The following EPS8L3 variants were observed in gnomAD, a reference collection of about 807,000 sequenced individuals.
EPS8L3 encodes the protein EPS8 signaling adaptor L3.
A neutral mutation model predicts 88.5 loss-of-function variants in EPS8L3; 80 were observed. The observed-to-expected ratio is 0.90, with a 90% CI of 0.75 to 1.09. The LOEUF is 1.09. Ranked by LOEUF, EPS8L3 falls within the 50% of genes least tolerant of loss-of-function variation. The pLI, the probability that EPS8L3 is intolerant of heterozygous loss-of-function variation, is 0.00. For missense variants in EPS8L3, 721 were observed against 735.2 expected, an observed-to-expected ratio of 0.98 and a Z score of 0.22; for synonymous variants, 286 against 291.0, an observed-to-expected ratio of 0.98 and a Z score of 0.18.
chr1:109,750,547 C>A, intron 18 of EPS8L3, 113 bp downstream of exon 18: 1 of 1,586,630 alleles, frequency 6.3e-7, no homozygotes, highest in Non-Finnish European at 8.6e-7. Context: ...CAGCACCCGC[C>A]ACACTCAGTT....
In EPS8L3 at chr1:109,757,574, G is replaced by T; in HGVS notation, c.895-19C>A. The T allele has an allele frequency of 6.2e-7, 1 of 1,603,216 alleles. No homozygotes were observed. The highest frequency in any genetic ancestry group is 8.5e-7 in the Non-Finnish European group (1 of 1,170,760). ...GCCTTCCCTGGGGACACAGAGCAAT[G>T]CCTGTCACCACCCTTCACCCCACCC... On this transcript the variant is annotated intron_variant, in intron 10 of 18. Transcript: ENST00000361965.
At chr1:109,755,913 G>A (rs1358778030) in intron 12 of EPS8L3, among the ~76,000 whole-genome samples, 1 of 152,196 alleles carries the variant, frequency 6.6e-6, no homozygotes, top group Non-Finnish European at 1.5e-5. Flanking sequence ...TTCTCTCTTG[G>A]TTTTCATCCC....
At chr1:109,761,620 A>G (rs1330503067) in intron 2 of EPS8L3, 61 bp from the exon 3 acceptor site, 2 of 1,607,792 alleles carry the variant, frequency 1.2e-6, no homozygotes, top group African/African-American at 2.7e-5. Flanking sequence ...GACTCAGGCA[A>G]CTGCTGGGGG....
Position 109,758,618 on chromosome 1 carries a change from C to A in EPS8L3, c.507G>T (p.Gly169=), listed in dbSNP as rs1415178525. The change falls in exon 7 of 19, where the codon GGG becomes GGT. Residue 169 remains glycine, a synonymous_variant. Transcript: ENST00000361965. ...TAGGGAGCGGCCTTTCCATAGCAGG[C>A]CCCCTCCATCTGTCCTGGCCTGGCT... ...GLQPGQDRWR[G]PAMERPLPME... is the part of the protein sequence containing the mutation. 4.3e-6 allele frequency: 7 copies of A among 1,611,860 alleles called. No homozygotes were observed. Among genetic ancestry groups the A allele is most frequent in the Non-Finnish European group, 5.9e-6 (7 of 1,178,850 alleles).
chr1:109,758,987 A>G, intron 6 of EPS8L3, 75 bp downstream of exon 6: 1 of 1,466,310 alleles, frequency 6.8e-7, no homozygotes, highest in Non-Finnish European at 9.3e-7. Flanking sequence ...GGGTGCCCCA[A>G]GATATGGGGT....
chr1:109,750,840 TG>T lies in EPS8L3; in HGVS notation c.1638-49del, dbSNP rs1366394548. On this transcript the variant is annotated intron_variant, in intron 17 of 18. Coordinates refer to ENST00000361965, the MANE Select transcript of EPS8L3 (RefSeq NM_133181.4). ...CATCCGTGGTGGGCTGGAAGGACCC[TG>T]GGCCTGAGCGTTTGGGCAGAGACAG... The T allele has an allele frequency of 3.1e-6, 5 of 1,609,506 alleles. No individual in the cohort carries two copies. In the African/African-American group the frequency reaches 6.7e-5, roughly 22 times the overall value.
chr1:109,760,669 C>T (rs1162089302), intron 3 of EPS8L3, among the ~76,000 whole-genome samples: 1 of 152,156 alleles, frequency 6.6e-6, no homozygotes, highest in Non-Finnish European at 1.5e-5. Flanking sequence ...GTCCTCCTGG[C>T]CTCTCCTCGG....
In EPS8L3 at chr1:109,751,410, C is replaced by T. The variant is rs955035855; in HGVS notation, c.1564-59G>A. 3 of 1,543,466 alleles carry T rather than the reference C, an allele frequency of 1.9e-6. No homozygotes were observed. In the African/African-American group the frequency reaches 4.1e-5, roughly 21 times the overall value. On this transcript the variant is annotated intron_variant, in intron 16 of 18. Coordinates refer to ENST00000361965, the MANE Select transcript of EPS8L3 (RefSeq NM_133181.4). ...TCTCATCTCACAGCCAACCACAGCC[C>T]CTAACATCTGGGTCCCTTCTCCAGG...
At chr1:109,762,888 A>C (rs1651144241) in intron 1 of EPS8L3, among the ~76,000 whole-genome samples, 1 of 152,144 alleles carries the variant, frequency 6.6e-6, no homozygotes, top group African/African-American at 2.4e-5. Context: ...TCACAGAGGG[A>C]GTCTAGAGAA....
chr1:109,757,001 C>T lies in EPS8L3; in HGVS notation c.1118+16G>A. ...CCCCTCACCCCCGATTCAGTTCAGG[C>T]TTTGTCTTCACTCACCGGCTAGTGG... On this transcript the variant is annotated intron_variant, in intron 12 of 18. Transcript: ENST00000361965. 2 of 1,614,214 alleles carry T rather than the reference C, an allele frequency of 1.2e-6. No homozygotes were observed. Among genetic ancestry groups the T allele is most frequent in the South Asian group, 1.1e-5 (1 of 91,080 alleles).
Position 109,758,950 on chromosome 1 carries a change from C to A in EPS8L3, c.461+112G>T, listed in dbSNP as rs564049052. The A allele has an allele frequency of 1.0e-5, 12 of 1,179,182 alleles. No individual in the cohort carries two copies. In the South Asian group the frequency reaches 1.7e-4, roughly 17 times the overall value. The allele number at this position is 1,179,182 out of a possible 1,614,324, so 73.0% of individuals were successfully genotyped here. Reference sequence around the variant, plus strand: ...TGTCCTGGCTCCTCCTCAGTCCAGGCCCAGGTTGGTTGGGCCACAACCTCC... The same window carrying A: ...TGTCCTGGCTCCTCCTCAGTCCAGGACCAGGTTGGTTGGGCCACAACCTCC... On this transcript the variant is annotated intron_variant, in intron 6 of 18. Coordinates refer to ENST00000361965, the MANE Select transcript of EPS8L3 (RefSeq NM_133181.4).
chr1:109,750,261 T>A lies in EPS8L3; in HGVS notation c.*130A>T. ...CTCTGGGCCTGTCCATTGTTTTTGC[T>A]GTGTGAGCTGGGGTGTGGGGTTTGC... On this transcript the variant is annotated 3_prime_UTR_variant, in exon 19 of 19. Transcript: ENST00000361965. The A allele has an allele frequency of 1.8e-6, 2 of 1,125,914 alleles. No individual in the cohort carries two copies. Among genetic ancestry groups the A allele is most frequent in the Non-Finnish European group, 2.6e-6 (2 of 768,064 alleles). The allele number at this position is 1,125,914 out of a possible 1,614,324, so 69.7% of individuals were successfully genotyped here.
At chr1:109,752,633 C>G (rs1649911601) in intron 14 of EPS8L3, 53 bp downstream of exon 14, 3 of 1,493,872 alleles carry the variant, frequency 2.0e-6, no homozygotes, top group Middle Eastern at 1.7e-4. Context: ...AAAGGAACAG[C>G]CCTGTCCCTC....
chr1:109,752,637 G>A, intron 14 of EPS8L3, 49 bp downstream of exon 14: 1 of 1,517,032 alleles, frequency 6.6e-7, no homozygotes, highest in Non-Finnish European at 9.0e-7. Context: ...GAACAGCCCT[G>A]TCCCTCCCTC....
chr1:109,753,021 G>T (rs1887546), intron 13 of EPS8L3, 96 bp downstream of exon 13: 333,492 of 1,115,818 alleles, frequency 0.3, 53,958 homozygotes, highest in African/African-American at 0.56. Context: ...CCAGTGTTAG[G>T]TCACACTAGT....
intron 14 of EPS8L3, 183 bp from the exon 15 acceptor site, chr1:109,752,376 G>A: frequency 3.1e-6 from 2 of 635,214 alleles, no homozygotes; most frequent in Admixed American, 5.9e-5. Context: ...GGTCTGAAAT[G>A]TCATTGATTT....
At chr1:109,750,473 A>T in intron 18 of EPS8L3, 71 bp from the exon 19 acceptor site, 1 of 1,604,034 alleles carries the variant, frequency 6.2e-7, no homozygotes, top group South Asian at 1.1e-5. Context: ...GCCACCAATA[A>T]GCTTGGAGCC....
At chr1:109,757,328 T>G (rs1197363790) in intron 11 of EPS8L3, among the ~76,000 whole-genome samples, 153 bp downstream of exon 11, 2 of 152,326 alleles carry the variant, frequency 1.3e-5, no homozygotes, top group East Asian at 1.9e-4. Flanking sequence ...CCTGTCTCCC[T>G]TAGAGCCTTG....
chr1:109,759,189 G>A lies in EPS8L3; in HGVS notation c.405+49C>T, dbSNP rs772215215. The A allele has an allele frequency of 3.7e-6, 6 of 1,600,932 alleles. No individual in the cohort carries two copies. In the South Asian group the frequency reaches 6.6e-5, roughly 18 times the overall value. On this transcript the variant is annotated intron_variant, in intron 5 of 18. Transcript: ENST00000361965. The surrounding 1 kb of genome is among the most constrained non-coding windows in gnomAD (Gnocchi z 4.2). Reference sequence around the variant, plus strand: ...TGTGTGTGTGTGTGTGTGTGGTGGGGTGATGGTCGATGAACCCCACCCCTG... The same window carrying A: ...TGTGTGTGTGTGTGTGTGTGGTGGGATGATGGTCGATGAACCCCACCCCTG...
Sources: allele counts gnomAD v4.1 joint callset (sites outside exome capture counted in the v4.1 genomes callset), GRCh38; gene constraint gnomAD v4.1.1; non-coding constraint Gnocchi (gnomAD v3.1); transcripts MANE v1.5; gene names NCBI Gene and HGNC (gene_info 2026-07-23, HGNC 2026-07-21).